The following GMFG variants were observed in gnomAD, a reference collection of about 807,000 sequenced individuals.
GMFG encodes the protein glia maturation factor gamma.
GMFG carries 21 observed loss-of-function variants against 26.1 expected under a neutral mutation model. The ratio of observed to expected loss-of-function variants is 0.80; its 90% CI spans 0.57 to 1.16. GMFG has a LOEUF of 1.16. Among genes scored for constraint, GMFG ranks in the 50% most tolerant of loss-of-function variants. The pLI is 0.00. For synonymous variants in GMFG, 65 were observed against 60.8 expected (o/e 1.07, Z -0.32); for missense variants, 161 against 178.3 (o/e 0.90, Z 0.55).
At chr19:39,334,669 G>A (rs955623818) in intron 3 of GMFG, among the ~76,000 whole-genome samples, 12 of 152,116 alleles carry the variant, frequency 7.9e-5, no homozygotes, top group African/African-American at 2.4e-4. Flanking sequence ...CATACTAAGT[G>A]CCAGGCCTTG....
intron 4 of GMFG, among the ~76,000 whole-genome samples, chr19:39,331,075 C>T (rs2075224491): frequency 6.6e-6 from 1 of 152,146 alleles, no homozygotes; most frequent in South Asian, 2.1e-4. Context: ...CGTGCTCCCT[C>T]GGGCATGAGG....
intron 4 of GMFG, among the ~76,000 whole-genome samples, chr19:39,332,547 G>T (rs1206056372): frequency 2.1e-5 from 3 of 141,446 alleles, no homozygotes; most frequent in Non-Finnish European, 4.6e-5. Flanking sequence ...AAAAAAAAAA[G>T]ACTCTTAAAC....
intron 4 of GMFG, chr19:39,332,816 G>C: frequency 3.6e-6 from 1 of 281,290 alleles, no homozygotes; most frequent in Non-Finnish European, 6.8e-6. Flanking sequence ...ATGCCACCAC[G>C]CCCAGTTAAT....
chr19:39,335,215 C>T, intron 3 of GMFG, 46 bp downstream of exon 3: 1 of 1,443,798 alleles, frequency 6.9e-7, no homozygotes, highest in Non-Finnish European at 9.4e-7. Flanking sequence ...TTGGTTCTCC[C>T]AGTCTCACCC....
At chr19:39,329,519 TGAG>T in intron 5 of GMFG, 22 bp downstream of exon 5, 1 of 1,387,658 alleles carries the variant, frequency 7.2e-7, no homozygotes, top group Non-Finnish European at 1.0e-6. Flanking sequence ...GACCCTCTCC[TGAG>T]GACAGTAGAG....
chr19:39,329,658 C>T (rs752963982), intron 4 of GMFG, 32 bp from the exon 5 acceptor site: 5 of 1,378,068 alleles, frequency 3.6e-6, no homozygotes, highest in Non-Finnish European at 5.2e-6. Flanking sequence ...AATCAGGACT[C>T]TGGCCTGCAG....
At chr19:39,334,967 G>A (rs949163581) in intron 3 of GMFG, among the ~76,000 whole-genome samples, 3 of 151,674 alleles carry the variant, frequency 2.0e-5, no homozygotes, top group Non-Finnish European at 2.9e-5. Flanking sequence ...CTCCTGCCTC[G>A]GCCTCCCAAG....
At chr19:39,331,066 G>A (rs1468497472) in intron 4 of GMFG, among the ~76,000 whole-genome samples, 2 of 152,094 alleles carry the variant, frequency 1.3e-5, no homozygotes, top group South Asian at 2.1e-4. Flanking sequence ...ATTTAAAGTC[G>A]TGCTCCCTCG....
intron 3 of GMFG, 111 bp from the exon 4 acceptor site, chr19:39,333,237 A>G: frequency 5.8e-6 from 3 of 521,406 alleles, no homozygotes; most frequent in South Asian, 1.9e-5. Flanking sequence ...AAGGTCAGGA[A>G]ATCATTCAGA....
chr19:39,335,490 T>G lies in GMFG; in HGVS notation c.45A>C (p.Thr15=), dbSNP rs779450564. 2 of 1,614,062 alleles carry G rather than the reference T, an allele frequency of 1.2e-6. No individual in the cohort carries two copies. The highest frequency in any genetic ancestry group is 1.1e-5 in the South Asian group (1 of 91,080). Residue 15 remains threonine, a synonymous_variant, in exon 2 of 7, where the codon ACA becomes ACC. Transcript: ENST00000597595. ...GGAAGCGGAATTTCCTCAGCTTTTC[T>G]GTTAGCTCTGGGTCTACCTCGCACA... ...LVVCEVDPEL[T]EKLRKFRFRK... is the part of the protein sequence containing the mutation.
intron 3 of GMFG, among the ~76,000 whole-genome samples, chr19:39,334,384 C>T (rs1273127283): frequency 2.6e-5 from 4 of 152,036 alleles, no homozygotes; most frequent in African/African-American, 9.7e-5. Flanking sequence ...CCTCCCACCT[C>T]AGCCTCCTGT....
At chr19:39,328,648 G>A in intron 6 of GMFG, 100 bp from the exon 7 acceptor site, 1 of 828,168 alleles carries the variant, frequency 1.2e-6, no homozygotes, top group Admixed American at 1.8e-5. Context: ...GGAGGCTGAG[G>A]TGGGTGGATC....
chr19:39,328,482 G>A lies in GMFG; in HGVS notation c.424C>T (p.Arg142Cys), dbSNP rs1383405600. The A allele has an allele frequency of 1.9e-6, 3 of 1,609,324 alleles. No individual in the cohort carries two copies. Among genetic ancestry groups the A allele is most frequent in the Middle Eastern group, 1.6e-4 (1 of 6,078 alleles). ...TTCAGTCCCCAGCCCAGAGATCAAC[G>A]AAAGAAAGACAACTTTTCTTGGAGC... is the stretch of plus-strand genomic sequence containing the variant. ...AWLQEKLSFF[R>C] Residue 142 changes from arginine (R) to cysteine (C), a missense_variant, in exon 7 of 7, where the codon CGT (arginine) becomes TGT (cysteine). Coordinates refer to ENST00000597595, the MANE Select transcript of GMFG (RefSeq NM_004877.4).
intron 3 of GMFG, among the ~76,000 whole-genome samples, chr19:39,333,703 G>A (rs2075236721): frequency 6.6e-6 from 1 of 152,076 alleles, no homozygotes; most frequent in African/African-American, 2.4e-5. Flanking sequence ...CTGTGGGGTA[G>A]GTCCCATCAT....
chr19:39,335,159 G>A (rs1384554908), intron 3 of GMFG, 102 bp downstream of exon 3: 3 of 925,730 alleles, frequency 3.2e-6, no homozygotes, highest in Non-Finnish European at 5.0e-6. Flanking sequence ...CCAATCTCCA[G>A]GTCTTTCTAC....
intron 1 of GMFG, 70 bp from the exon 2 acceptor site, chr19:39,335,601 C>G: frequency 9.9e-7 from 1 of 1,012,810 alleles, no homozygotes; most frequent in Non-Finnish European, 1.6e-6. Context: ...AAACCTGTTT[C>G]TCCATCCACT....
At chr19:39,333,040 T>A in intron 4 of GMFG, 37 bp downstream of exon 4, 1 of 1,470,958 alleles carries the variant, frequency 6.8e-7, no homozygotes, top group Non-Finnish European at 9.5e-7. Context: ...ACCCCTCCCC[T>A]CATGGCCTGA....
At position 39,329,070 on chromosome 19, in the gene GMFG, C is replaced by T; in HGVS notation, c.287G>A (p.Cys96Tyr). 1 of 1,611,842 alleles carries T rather than the reference C, an allele frequency of 6.2e-7. No homozygotes were observed. Among genetic ancestry groups the T allele is most frequent in the Non-Finnish European group, 8.5e-7 (1 of 1,177,948 alleles). ...LCFIFSSPVG[C>Y]KPEQQMMYAG... ...ATACATCATCTGTTGTTCCGGCTTG[C>T]AGCCTGCGTGGAAAAGAGGAGAAAG... The change falls in exon 6 of 7, where the codon TGC becomes TAC. Residue 96 changes from cysteine (C) to tyrosine (Y), a missense_variant. Physicochemically the swap from Cys to Tyr is radical, Grantham distance 194. Transcript: ENST00000597595.
chr19:39,335,403 C>T, intron 2 of GMFG, 32 bp downstream of exon 2: 7 of 1,588,658 alleles, frequency 4.4e-6, no homozygotes, highest in Non-Finnish European at 6.1e-6. Context: ...CCACCGCCCT[C>T]CCATCCTTCT....
Sources: allele counts gnomAD v4.1 joint callset (sites outside exome capture counted in the v4.1 genomes callset), GRCh38; gene constraint gnomAD v4.1.1; transcripts MANE v1.5; gene names NCBI Gene and HGNC (gene_info 2026-07-23, HGNC 2026-07-21).